CTBP2: variants seen among roughly 807,000 people sequenced by gnomAD.
CTBP2 encodes C-terminal binding protein 2, also known as C-terminal-binding protein 2.
CTBP2 carries 30 observed loss-of-function variants against 80.3 expected under a neutral mutation model. The ratio of observed to expected loss-of-function variants is 0.37; its 90% confidence interval spans 0.28 to 0.51. CTBP2 has a LOEUF of 0.51. CTBP2 is among the 20% of genes least tolerant of loss of function. CTBP2 has a pLI of 0.93. For missense variants in CTBP2, 1,212 were observed against 1,375.3 expected, an observed-to-expected ratio of 0.88 and a Z score of 1.88; for synonymous variants, 594 against 587.4, an observed-to-expected ratio of 1.01 and a Z score of -0.16.
rs1252738028 is a variant in CTBP2 at position 125,117,675 on chromosome 10, A to T, written c.-205-6582T>A. Among the ~76,000 whole-genome samples, 4 of 152,342 alleles carry T rather than the reference A, an allele frequency of 2.6e-5. No individual in the cohort carries two copies. The East Asian group carries it at 7.7e-4, about 29-fold the overall frequency. Reference sequence around the variant, plus strand: ...CAGGAATGAACAGGGTGTACCCGAGAGGTTGTCACTTTAGCATTGCTGGAT... The same window carrying T: ...CAGGAATGAACAGGGTGTACCCGAGTGGTTGTCACTTTAGCATTGCTGGAT... On this transcript the variant is annotated intron_variant, in intron 1 of 10. Transcript: ENST00000337195.
intron 2 of CTBP2, among the ~76,000 whole-genome samples, chr10:125,051,662 A>G (rs1382795122): frequency 1.3e-5 from 2 of 148,902 alleles, no homozygotes; most frequent in African/African-American, 2.5e-5. Flanking sequence ...AACCAACCAA[A>G]AAAAAAAAAA....
At chr10:125,030,116 A>G (rs1958024255), upstream of CTBP2, among the ~76,000 whole-genome samples, 1 of 147,296 alleles carries the variant, frequency 6.8e-6, no homozygotes, top group Non-Finnish European at 1.5e-5. Context: ...AACTGGACTC[A>G]CTTTTCCAAA....
chr10:125,010,677 A>T (rs1249069091), intron 1 of CTBP2, among the ~76,000 whole-genome samples: 1 of 152,172 alleles, frequency 6.6e-6, no homozygotes, highest in Non-Finnish European at 1.5e-5. Context: ...AAATGATTTA[A>T]CTCAACCTTG....
intron 2 of CTBP2, among the ~76,000 whole-genome samples, chr10:125,048,801 T>C (rs1961917462): frequency 6.6e-6 from 1 of 152,172 alleles, no homozygotes; most frequent in Non-Finnish European, 1.5e-5. Flanking sequence ...AAATGCCCCT[T>C]AGGCTTTCCA....
Position 125,027,745 on chromosome 10 carries a change from G to T in CTBP2, c.15C>A (p.Ser5Arg), listed in dbSNP as rs766445888. 5 of 1,588,442 alleles carry T rather than the reference G, an allele frequency of 3.1e-6. No homozygotes were observed. Among genetic ancestry groups the T allele is most frequent in the Non-Finnish European group, 4.3e-6 (5 of 1,164,526 alleles). ...GAGAACGACCAATATTTATATGCCT[G>T]CTGGGAACTGGCATTGGAAAAAAAA... is the stretch of plus-strand genomic sequence containing the variant. Residue 5 changes from serine (S) to arginine (R), a missense_variant, in exon 1 of 9, where the codon AGC (serine) becomes AGA (arginine). Ser to Arg is a moderately radical substitution (Grantham distance 110). This residue lies in a region of CTBP2 where 848 missense variants were observed against 782.3 expected (regional missense o/e 1.08). Coordinates refer to ENST00000309035, the MANE Select transcript of CTBP2 (RefSeq NM_022802.3).
intron 3 of CTBP2, chr10:125,000,322 C>G (rs1006251622): frequency 6.6e-6 from 1 of 152,250 alleles, no homozygotes; most frequent in African/African-American, 2.4e-5. Flanking sequence ...TGCAGCCTCC[C>G]TTCTGGATGA....
chr10:125,056,057 C>T (rs965104005), intron 2 of CTBP2, among the ~76,000 whole-genome samples: 7 of 151,914 alleles, frequency 4.6e-5, no homozygotes, highest in African/African-American at 1.7e-4. Flanking sequence ...CCCAGCTACT[C>T]AGGAGGCTAA....
intron 2 of CTBP2, among the ~76,000 whole-genome samples, chr10:125,079,933 T>C (rs1012677626): frequency 6.6e-6 from 1 of 152,234 alleles, no homozygotes; most frequent in Non-Finnish European, 1.5e-5. Context: ...GGATTCTGAA[T>C]GTTTTCTGCA....
intron 2 of CTBP2, among the ~76,000 whole-genome samples, chr10:125,098,266 C>G (rs1368955342): frequency 6.6e-6 from 1 of 152,112 alleles, no homozygotes. Flanking sequence ...GGTGTGTGGA[C>G]CCAGCACGTG....
intron 1 of CTBP2, among the ~76,000 whole-genome samples, chr10:125,140,985 C>T (rs1420578012): frequency 6.6e-6 from 1 of 151,642 alleles, no homozygotes; most frequent in Admixed American, 6.6e-5. Flanking sequence ...ACTAAAAATA[C>T]AAAAATTAGC....
intron 5 of CTBP2, 98 bp from the exon 8 acceptor site, chr10:124,994,083 G>A: frequency 2.6e-6 from 4 of 1,523,850 alleles, no homozygotes; most frequent in South Asian, 1.2e-5. Flanking sequence ...AGTTTTGTTG[G>A]TCTGGTGGTT....
chr10:125,088,768 A>C (rs547654192), intron 2 of CTBP2, among the ~76,000 whole-genome samples: 1 of 152,326 alleles, frequency 6.6e-6, no homozygotes, highest in Admixed American at 6.5e-5. Flanking sequence ...GGCGAAGATC[A>C]CACCCTTCAT....
intron 1 of CTBP2, among the ~76,000 whole-genome samples, chr10:125,019,628 G>A (rs929067410): frequency 2.0e-5 from 3 of 152,120 alleles, no homozygotes; most frequent in Non-Finnish European, 2.9e-5. Flanking sequence ...GGCTGAATGG[G>A]ACCCCTACCT....
Position 125,066,335 on chromosome 10 carries a change from G to A in CTBP2, c.-101-27180C>T, listed in dbSNP as rs1206338872. Reference sequence around the variant, plus strand: ...TGTCACATGGAGCTACCAACATCAGGACCAGCGAGAAATCGGGAAAACATC... The same window carrying A: ...TGTCACATGGAGCTACCAACATCAGAACCAGCGAGAAATCGGGAAAACATC... On this transcript the variant is annotated intron_variant, in intron 2 of 10. Coordinates refer to the CTBP2 transcript ENST00000337195. The surrounding 1 kb of genome is among the most constrained non-coding windows in gnomAD (Gnocchi z 4.1). 1.3e-5 allele frequency among the ~76,000 whole-genome samples: 2 copies of A among 152,118 alleles called. No homozygotes were observed. Among genetic ancestry groups the A allele is most frequent in the African/African-American group, 4.8e-5 (2 of 41,432 alleles).
chr10:125,085,035 A>T (rs1033109029), intron 2 of CTBP2, among the ~76,000 whole-genome samples: 2 of 152,110 alleles, frequency 1.3e-5, no homozygotes, highest in Non-Finnish European at 2.9e-5. Context: ...AGATGACCCG[A>T]CCTGGCGCAC....
chr10:125,042,678 T>C lies in CTBP2; in HGVS notation c.-101-3523A>G, dbSNP rs183078617. 2.8e-4 allele frequency among the ~76,000 whole-genome samples: 42 copies of C among 152,176 alleles called. No homozygotes were observed. The East Asian group carries it at 8.1e-3, about 29-fold the overall frequency. On this transcript the variant is annotated intron_variant, in intron 2 of 10. Transcript: ENST00000337195. ...CAGAGTGGCAGTGAGGACCAGCCAG[T>C]GAGGATATGCACAAAAACACTCGGT... is the stretch of plus-strand genomic sequence containing the variant.
At chr10:125,033,906 C>T (rs931884504) in intron 3 of CTBP2, among the ~76,000 whole-genome samples, 2 of 152,090 alleles carry the variant, frequency 1.3e-5, no homozygotes, top group East Asian at 1.9e-4. Flanking sequence ...TGGGAAACAG[C>T]GCGATTCACT....
rs554148143 is a variant in CTBP2 at position 125,006,922 on chromosome 10, C to T, written c.1679-3430G>A. 2.6e-5 allele frequency among the ~76,000 whole-genome samples: 4 copies of T among 152,320 alleles called. No individual in the cohort carries two copies. In the South Asian group the frequency reaches 6.2e-4, roughly 24 times the overall value. On this transcript the variant is annotated intron_variant, in intron 1 of 8. Transcript: ENST00000309035. The stretch of plus-strand genomic sequence containing the variant: ...TGCACAGCTGACGGCCTTTTCCATG[C>T]GTACAGACCACAAGGCTGACAAGAG...
intron 1 of CTBP2, among the ~76,000 whole-genome samples, chr10:125,112,139 G>C (rs1208026705): frequency 7.0e-6 from 1 of 142,394 alleles, no homozygotes; most frequent in Non-Finnish European, 1.5e-5. Flanking sequence ...GGGAGAAAGA[G>C]TCTCACTCTG....
Sources: allele counts gnomAD v4.1 joint callset (sites outside exome capture counted in the v4.1 genomes callset), GRCh38; gene constraint gnomAD v4.1.1; regional missense constraint gnomAD v4.1.1; non-coding constraint Gnocchi (gnomAD v3.1); transcripts MANE v1.5; gene names NCBI Gene and HGNC (gene_info 2026-07-23, HGNC 2026-07-21).